The following ANXA4 variants were observed in gnomAD, a reference collection of about 807,000 sequenced individuals.
ANXA4 encodes 35-beta calcimedin.
Under a neutral mutation model 49.8 loss-of-function variants are expected in ANXA4, and 39 were observed. The ratio of observed to expected loss-of-function variants is 0.78; its 90% confidence interval spans 0.61 to 1.02. The LOEUF (loss-of-function observed/expected upper bound fraction) is 1.02, where lower values mean the gene tolerates loss of function less well. Among genes scored for constraint, ANXA4 ranks in the 50% least tolerant of loss-of-function variants. The pLI is 0.00. For missense variants in ANXA4, 360 were observed against 410.1 expected, an observed-to-expected ratio of 0.88 and a Z score of 1.05; for synonymous variants, 134 against 152.5, an observed-to-expected ratio of 0.88 and a Z score of 0.89.
At chr2:69,698,479 T>C (rs149698316) in intron 2 of ANXA4, among the ~76,000 whole-genome samples, 57 of 152,234 alleles carry the variant, frequency 3.7e-4, no homozygotes, top group Admixed American at 5.9e-4. Flanking sequence ...CTTTTATTCA[T>C]TGAGAAGGCC....
intron 1 of ANXA4, among the ~76,000 whole-genome samples, chr2:69,753,017 G>T (rs886888221): frequency 1.3e-5 from 2 of 152,066 alleles, no homozygotes; most frequent in Non-Finnish European, 2.9e-5. Context: ...CCTAAGTCAC[G>T]TGAGAGCTCT....
intron 2 of ANXA4, among the ~76,000 whole-genome samples, chr2:69,695,710 A>G (rs1418986808): frequency 1.3e-5 from 2 of 152,178 alleles, no homozygotes; most frequent in Non-Finnish European, 2.9e-5. Flanking sequence ...CCTCTGAGAT[A>G]CAGGCATACC....
At chr2:69,820,254 A>G (rs762091141) in intron 11 of ANXA4, among the ~76,000 whole-genome samples, 129 of 147,676 alleles carry the variant, frequency 8.7e-4, no homozygotes, top group Non-Finnish European at 1.6e-3. Context: ...TTTTTTCAAT[A>G]TTTGTTTTTT....
chr2:69,697,488 C>G (rs958555115), intron 2 of ANXA4, among the ~76,000 whole-genome samples: 1 of 152,230 alleles, frequency 6.6e-6, no homozygotes, highest in African/African-American at 2.4e-5. Flanking sequence ...CTTGTGTTCA[C>G]TGGAGTAGCA....
intron 9 of ANXA4, chr2:69,817,077 A>T: frequency 6.6e-6 from 1 of 152,262 alleles, no homozygotes; most frequent in Admixed American, 6.5e-5. Flanking sequence ...CTTCTGACTC[A>T]GCTTCTTTCT....
chr2:69,702,852 A>G (rs950797002), intron 2 of ANXA4, among the ~76,000 whole-genome samples: 7 of 152,220 alleles, frequency 4.6e-5, no homozygotes, highest in Non-Finnish European at 7.3e-5. Flanking sequence ...TTTAAAATAT[A>G]AAACTGTTCA....
At chr2:69,766,647 G>C (rs546525607) in intron 1 of ANXA4, among the ~76,000 whole-genome samples, 34 of 152,338 alleles carry the variant, frequency 2.2e-4, no homozygotes, top group African/African-American at 7.9e-4. Context: ...CTGCACCATA[G>C]TTAGACCTGT....
chr2:69,664,950 A>G (rs1676880044), intron 2 of ANXA4, among the ~76,000 whole-genome samples: 1 of 152,130 alleles, frequency 6.6e-6, no homozygotes, highest in African/African-American at 2.4e-5. Context: ...TAAAAATACA[A>G]AAATTAGCTG....
At chr2:69,643,825 G>A (rs1675876682), upstream of ANXA4, 7 of 1,183,344 alleles carry the variant, frequency 5.9e-6, no homozygotes, top group South Asian at 1.3e-4. Context: ...GTGCCCCTCG[G>A]GGCGGCGCGG....
intron 2 of ANXA4, among the ~76,000 whole-genome samples, chr2:69,696,968 T>C (rs1678179748): frequency 1.3e-5 from 2 of 152,158 alleles, no homozygotes; most frequent in Admixed American, 6.6e-5. Flanking sequence ...TACTTAAGGG[T>C]CCTAGGATTT....
rs1409779997 is a variant in ANXA4, at chr2:69,826,546, AG to A, written c.*1033del. On this transcript the variant is annotated 3_prime_UTR_variant, in exon 13 of 13. Coordinates refer to ENST00000394295, the MANE Select transcript of ANXA4 (RefSeq NM_001153.5). ...ACGCCAGTAATCCCAACACTTTGGG[AG>A]GCCAAGGCGGGTGGATCACCTAAGG... 4 of 152,194 alleles carry A rather than the reference AG, an allele frequency of 2.6e-5. No individual in the cohort carries two copies. Among genetic ancestry groups the A allele is most frequent in the African/African-American group, 9.7e-5 (4 of 41,436 alleles). The allele number at this position is 152,194 out of a possible 1,614,324, so 9.4% of individuals were successfully genotyped here.
chr2:69,682,573 T>C (rs1320393565), intron 2 of ANXA4, among the ~76,000 whole-genome samples: 1 of 152,232 alleles, frequency 6.6e-6, no homozygotes, highest in Non-Finnish European at 1.5e-5. Context: ...ACATTCTTTA[T>C]GTAATGGTTC....
chr2:69,743,611 A>G (rs1007275936), intron 1 of ANXA4, among the ~76,000 whole-genome samples: 1 of 151,932 alleles, frequency 6.6e-6, no homozygotes, highest in Non-Finnish European at 1.5e-5. Flanking sequence ...AAAACGGATA[A>G]CCCCATGACC....
chr2:69,671,059 A>G (rs897437430), intron 2 of ANXA4, among the ~76,000 whole-genome samples: 3 of 151,054 alleles, frequency 2.0e-5, no homozygotes, highest in African/African-American at 7.3e-5. Flanking sequence ...AGAAGGGAAT[A>G]CCATCAATAA....
At chr2:69,694,959 A>G (rs1289826825) in intron 2 of ANXA4, among the ~76,000 whole-genome samples, 1 of 152,070 alleles carries the variant, frequency 6.6e-6, no homozygotes, top group African/African-American at 2.4e-5. Flanking sequence ...CCTAGGCAAC[A>G]TGGCGAAACC....
At chr2:69,795,425 T>C (rs1672904943) in intron 3 of ANXA4, among the ~76,000 whole-genome samples, 1 of 152,230 alleles carries the variant, frequency 6.6e-6, no homozygotes, top group Non-Finnish European at 1.5e-5. Context: ...ACGGATGAAT[T>C]GGGACTATGG....
chr2:69,780,599 T>C (rs943505405), intron 1 of ANXA4, among the ~76,000 whole-genome samples: 1 of 152,080 alleles, frequency 6.6e-6, no homozygotes, highest in Admixed American at 6.5e-5. Flanking sequence ...AGAGGAGCCT[T>C]ATCCAGGTGG....
chr2:69,798,045 A>G (rs1673015109), intron 3 of ANXA4, among the ~76,000 whole-genome samples: 1 of 152,180 alleles, frequency 6.6e-6, no homozygotes, highest in African/African-American at 2.4e-5. Flanking sequence ...GGAGAAAGTT[A>G]GTTTGCCTCA....
At chr2:69,729,295 G>A (rs1218470575) in intron 3 of ANXA4, among the ~76,000 whole-genome samples, 1 of 152,358 alleles carries the variant, frequency 6.6e-6, no homozygotes, top group East Asian at 1.9e-4. Context: ...GATTACAGGT[G>A]TGAGCCACCA....
Sources: gnomAD v4.1 joint callset for allele counts (sites outside exome capture counted in the v4.1 genomes callset) on GRCh38, gnomAD v4.1.1 for gene constraint, MANE v1.5 for transcripts, NCBI Gene and HGNC (gene_info 2026-07-23, HGNC 2026-07-21) for gene names.